The following DNAI4 variants were observed in gnomAD, a reference collection of about 807,000 sequenced individuals.
DNAI4 encodes dynein axonemal intermediate chain 4, also known as WD repeat domain 78.
DNAI4 carries 85 observed loss-of-function variants against 105.8 expected under a neutral mutation model. The observed-to-expected ratio is 0.80, with a 90% confidence interval of 0.67 to 0.96. The LOEUF (loss-of-function observed/expected upper bound fraction) is 0.96. DNAI4 is among the 40% of genes least tolerant of loss of function. The probability of loss-of-function intolerance (pLI) is 0.00; values close to 1 mark genes in which losing one functional copy is unlikely to be tolerated. For missense variants in DNAI4, 1,014 were observed against 1,005.6 expected (o/e 1.01, Z -0.11); for synonymous variants, 352 against 331.5 (o/e 1.06, Z -0.67).
intron 7 of DNAI4, among the ~76,000 whole-genome samples, chr1:66,861,211 T>C (rs1049896605): frequency 7.9e-5 from 12 of 152,190 alleles, no homozygotes; most frequent in Non-Finnish European, 1.8e-4. Context: ...CTTACTGATT[T>C]ACTGAACTTG....
chr1:66,847,362 T>C (rs1165295732), intron 8 of DNAI4, 122 bp downstream of exon 8: 13 of 886,244 alleles, frequency 1.5e-5, no homozygotes, highest in African/African-American at 5.1e-5. Flanking sequence ...GGCATGATCA[T>C]AGCTTGCTAC....
chr1:66,907,197 C>T (rs560075252), intron 1 of DNAI4, among the ~76,000 whole-genome samples: 1 of 152,286 alleles, frequency 6.6e-6, no homozygotes, highest in African/African-American at 2.4e-5. Context: ...TGTAGCTTTA[C>T]TCTTTCTTCT....
chr1:66,852,277 T>G (rs1359172685), intron 7 of DNAI4, among the ~76,000 whole-genome samples: 2 of 151,568 alleles, frequency 1.3e-5, no homozygotes, highest in Non-Finnish European at 2.9e-5. Flanking sequence ...GCATGGATGG[T>G]TTCACTAAAG....
intron 4 of DNAI4, among the ~76,000 whole-genome samples, chr1:66,878,841 A>G (rs1262480606): frequency 6.6e-6 from 1 of 152,130 alleles, no homozygotes; most frequent in Non-Finnish European, 1.5e-5. Context: ...GTGACTATAA[A>G]CTAGAGTGTT....
intron 1 of DNAI4, 95 bp from the exon 2 acceptor site, chr1:66,905,470 G>C: frequency 1.3e-6 from 1 of 757,432 alleles, no homozygotes; most frequent in Non-Finnish European, 1.9e-6. Context: ...AAAAACATGT[G>C]AACAATCTAA....
In DNAI4 at chr1:66,827,798, A is replaced by G; in HGVS notation, c.2112+14T>C. The G allele has an allele frequency of 1.4e-6, 2 of 1,442,968 alleles. No homozygotes were observed. The highest frequency in any genetic ancestry group is 1.3e-5 in the South Asian group (1 of 77,044). 89.4% of individuals were successfully genotyped at this position (1,442,968 alleles called of 1,614,324 possible). On this transcript the variant is annotated intron_variant, in intron 14 of 16. Transcript: ENST00000371026. ...TACAAAATAAATGTTCCAACCTACT[A>G]TAATTAAACTAACCTTATGTCCTCT...
Position 66,834,102 on chromosome 1 carries a change from T to A in DNAI4, c.1780A>T (p.Ile594Leu), listed in dbSNP as rs572646789. The change falls in exon 12 of 17, where the codon ATA (isoleucine) becomes TTA (leucine). Residue 594 changes from isoleucine to leucine, a missense_variant. Coordinates refer to ENST00000371026, the MANE Select transcript of DNAI4 (RefSeq NM_024763.5). ...HLGPVWQLQW[I>L]EQDRGTTGDG... ...CCTGTTGTTCCTCGATCTTGTTCTA[T>A]CCACTGTAGTTGCCATACAGGTCCC... The A allele has an allele frequency of 3.1e-6, 5 of 1,610,908 alleles. No homozygotes were observed. Among genetic ancestry groups the A allele is most frequent in the African/African-American group, 1.3e-5 (1 of 74,768 alleles).
intron 2 of DNAI4, among the ~76,000 whole-genome samples, chr1:66,898,528 T>C (rs1283444661): frequency 6.6e-6 from 1 of 152,110 alleles, no homozygotes; most frequent in African/African-American, 2.4e-5. Flanking sequence ...GGATTAGTTA[T>C]CATGAGAGGG....
At chr1:66,822,809 G>C (rs1464441909) in intron 15 of DNAI4, among the ~76,000 whole-genome samples, 1 of 151,980 alleles carries the variant, frequency 6.6e-6, no homozygotes, top group Non-Finnish European at 1.5e-5. Context: ...GCTAGGCTAT[G>C]GTACCCAGAG....
chr1:66,820,248 C>CA (rs58001932), intron 16 of DNAI4, among the ~76,000 whole-genome samples: 28 of 150,316 alleles, frequency 1.9e-4, no homozygotes, highest in Admixed American at 5.3e-4. Context: ...ATGCATTTTG[C>CA]AAAAAAAAAT....
Position 66,813,996 on chromosome 1 carries a change from TTTAAA to T in DNAI4, c.*129_*133del, listed in dbSNP as rs1305508511. The T allele has an allele frequency of 1.4e-5, 8 of 574,998 alleles. No homozygotes were observed. The highest frequency in any genetic ancestry group is 2.3e-5 in the Non-Finnish European group (8 of 350,092). 35.6% of individuals were successfully genotyped at this position (574,998 alleles called of 1,614,324 possible). On this transcript the variant is annotated 3_prime_UTR_variant, in exon 17 of 17. Coordinates refer to ENST00000371026, the MANE Select transcript of DNAI4 (RefSeq NM_024763.5). ...ATCTCTGAAATAAAAGTTTATTAAATTTAAATTAAGTGGAAGTTATACATCAAATA... is the reference window on the plus strand; with the variant it reads ...ATCTCTGAAATAAAAGTTTATTAAATTTAAGTGGAAGTTATACATCAAATA...
intron 4 of DNAI4, among the ~76,000 whole-genome samples, chr1:66,887,416 T>A (rs916761141): frequency 6.6e-6 from 1 of 152,186 alleles, no homozygotes; most frequent in Non-Finnish European, 1.5e-5. Flanking sequence ...TTAAACTCTC[T>A]ACATGTAAGA....
chr1:66,898,204 T>G (rs902930075), intron 2 of DNAI4, among the ~76,000 whole-genome samples: 1 of 152,164 alleles, frequency 6.6e-6, no homozygotes, highest in South Asian at 2.1e-4. Flanking sequence ...ACCCCATGTC[T>G]GTCCAACCAT....
chr1:66,852,954 T>C (rs1354556901), intron 7 of DNAI4, among the ~76,000 whole-genome samples: 1 of 152,218 alleles, frequency 6.6e-6, no homozygotes, highest in African/African-American at 2.4e-5. Flanking sequence ...ATTTTTATTG[T>C]TATAACTTCT....
In DNAI4 at chr1:66,847,677, A is replaced by ATCTAGTTC; in HGVS notation, c.1097_1098insGAACTAGA (p.Asn366LysfsTer3). ...TGTCCATTAGAGAACTAGTTTCACTATCTACAAAATACAAACATGATACAA... is the reference window on the plus strand; with the variant it reads ...TGTCCATTAGAGAACTAGTTTCACTATCTAGTTCTCTACAAAATACAAACATGATACAA... On this transcript the variant is annotated stop_gained and frameshift_variant and splice_region_variant, in exon 8 of 17. Coordinates refer to ENST00000371026, the MANE Select transcript of DNAI4 (RefSeq NM_024763.5). LOFTEE classifies it high-confidence loss of function. 6.3e-7 allele frequency: 1 copy of ATCTAGTTC among 1,592,442 alleles called. No individual in the cohort carries two copies. Among genetic ancestry groups the ATCTAGTTC allele is most frequent in the Admixed American group, 1.8e-5 (1 of 56,362 alleles).
At chr1:66,913,428 GT>G (rs1649808210) in intron 1 of DNAI4, among the ~76,000 whole-genome samples, 2 of 152,146 alleles carry the variant, frequency 1.3e-5, no homozygotes, top group Admixed American at 6.5e-5. Flanking sequence ...GAACTGAACT[GT>G]TGTTTTCATA....
chr1:66,901,862 C>T (rs939014321), intron 2 of DNAI4, among the ~76,000 whole-genome samples: 10 of 152,200 alleles, frequency 6.6e-5, no homozygotes, highest in Non-Finnish European at 1.3e-4. Flanking sequence ...TCATAGCTCA[C>T]TGTAGCCTTG....
chr1:66,845,194 AAAAAAAAAAAAAAAAGAAAAATT>A lies in DNAI4; in HGVS notation c.1291+2267_1291+2289del, dbSNP rs1646248222. ...TGACAGAGCGAAACTCCATCTCAAA[AAAAAAAAAAAAAAAAGAAAAATT>A]AAAAAAAAAAAAAAAAAGGCAACTC... On this transcript the variant is annotated intron_variant, in intron 8 of 16. Coordinates refer to ENST00000371026, the MANE Select transcript of DNAI4 (RefSeq NM_024763.5). Among the ~76,000 whole-genome samples the A allele has an allele frequency of 9.3e-5, 3 of 32,264 alleles. No individual in the cohort carries two copies. In the Admixed American group the frequency reaches 9.9e-4, roughly 11 times the overall value. The allele number at this position is 32,264 out of a possible 152,430, so 21.2% of individuals were successfully genotyped here. A position where few individuals can be genotyped will look rare whatever the true frequency, so the allele number is the denominator to read the frequency against.
At chr1:66,911,657 C>T (rs186706768) in intron 1 of DNAI4, among the ~76,000 whole-genome samples, 6 of 152,198 alleles carry the variant, frequency 3.9e-5, no homozygotes, top group Non-Finnish European at 8.8e-5. Flanking sequence ...TACAATATCA[C>T]AGTACATAAT....
Sources: allele counts gnomAD v4.1 joint callset (sites outside exome capture counted in the v4.1 genomes callset), GRCh38; gene constraint gnomAD v4.1.1; transcripts MANE v1.5; gene names NCBI Gene and HGNC (gene_info 2026-07-23, HGNC 2026-07-21).